DIPK1A: variants seen among roughly 807,000 people sequenced by gnomAD.
The protein encoded by DIPK1A is family with sequence similarity 69 member A.
A neutral mutation model predicts 40.8 loss-of-function variants in DIPK1A; 27 were observed. That is an observed-to-expected ratio of 0.66 (90% CI 0.49 to 0.91). DIPK1A has a LOEUF of 0.91. DIPK1A is among the 40% of genes least tolerant of loss of function. The pLI is 0.00. For missense variants in DIPK1A, 412 were observed against 505.7 expected (o/e 0.81, Z 1.78); for synonymous variants, 166 against 171.3 (o/e 0.97, Z 0.24).
At chr1:92,894,877 T>G (rs1426181300) in intron 1 of DIPK1A, among the ~76,000 whole-genome samples, 4 of 151,964 alleles carry the variant, frequency 2.6e-5, no homozygotes, top group Non-Finnish European at 5.9e-5. Context: ...TACAAACACC[T>G]CTACGCAAAT....
chr1:92,956,207 C>G (rs1172962702), intron 1 of DIPK1A, among the ~76,000 whole-genome samples: 1 of 152,018 alleles, frequency 6.6e-6, no homozygotes, highest in Non-Finnish European at 1.5e-5. Flanking sequence ...AAAAAAAAAT[C>G]TGAGGCACTG....
At position 92,842,232 on chromosome 1, in the gene DIPK1A, CTG is replaced by C. The variant is rs1687395513; in HGVS notation, c.*1149_*1150del. On this transcript the variant is annotated 3_prime_UTR_variant, in exon 5 of 5. Transcript: ENST00000370310. ...GAAAAGTACCTTAAAGTAAACAAAA[CTG>C]GTGCTAATCCATGGCGTTGAAGGAA... The C allele has an allele frequency of 3.0e-6, 3 of 995,196 alleles. No homozygotes were observed. The highest frequency in any genetic ancestry group is 3.6e-6 in the Non-Finnish European group (3 of 836,242). The allele number at this position is 995,196 out of a possible 1,614,324, so 61.6% of individuals were successfully genotyped here.
At chr1:92,934,930 C>T (rs932939153) in intron 1 of DIPK1A, among the ~76,000 whole-genome samples, 4 of 152,094 alleles carry the variant, frequency 2.6e-5, no homozygotes, top group South Asian at 2.1e-4. Flanking sequence ...TACTTACTAG[C>T]GTCAAGATGA....
chr1:92,865,301 T>C (rs1010074943), intron 2 of DIPK1A, among the ~76,000 whole-genome samples: 4 of 151,980 alleles, frequency 2.6e-5, no homozygotes, highest in Non-Finnish European at 5.9e-5. Flanking sequence ...AATTCAAGGC[T>C]GCAGTGAGCT....
chr1:92,867,752 C>G (rs977728967), intron 2 of DIPK1A, among the ~76,000 whole-genome samples: 2 of 152,236 alleles, frequency 1.3e-5, no homozygotes, highest in African/African-American at 4.8e-5. Context: ...GTGATCTGCC[C>G]ATCTCAGCCT....
chr1:92,834,296 T>C (rs1276585569), intron 4 of DIPK1A, among the ~76,000 whole-genome samples: 1 of 152,234 alleles, frequency 6.6e-6, no homozygotes, highest in Non-Finnish European at 1.5e-5. Flanking sequence ...TAATAAAATG[T>C]ACAAAGGTGG....
intron 1 of DIPK1A, among the ~76,000 whole-genome samples, chr1:92,900,195 G>C (rs1649349052): frequency 6.6e-6 from 1 of 152,056 alleles, no homozygotes; most frequent in Non-Finnish European, 1.5e-5. Flanking sequence ...TCATCAAGTA[G>C]GTTTTCTACA....
intron 1 of DIPK1A, among the ~76,000 whole-genome samples, chr1:92,894,046 T>C (rs1340790746): frequency 6.6e-6 from 1 of 151,840 alleles, no homozygotes; most frequent in East Asian, 1.9e-4. Context: ...TCCCACACAA[T>C]AATAATGGGA....
In DIPK1A at chr1:92,952,745, T is replaced by TA. The variant is rs1362651691; in HGVS notation, c.54+8630dup. ...TCCATTTTCAAATTTCCCCGTAATC[T>TA]AAAAAAAATCCTTTATGGCTTTTTT... On this transcript the variant is annotated intron_variant, in intron 1 of 4. Coordinates refer to ENST00000370310, the MANE Select transcript of DIPK1A (RefSeq NM_001006605.5). 5.9e-5 allele frequency among the ~76,000 whole-genome samples: 9 copies of TA among 151,770 alleles called. No individual in the cohort carries two copies. The South Asian group carries it at 1.5e-3, about 25-fold the overall frequency.
intron 4 of DIPK1A, chr1:92,845,560 T>C (rs1398533680): frequency 2.4e-4 from 67 of 277,542 alleles, no homozygotes; most frequent in Admixed American, 6.7e-4. Flanking sequence ...AAAAAAATGC[T>C]GGATGCGGTG....
intron 1 of DIPK1A, among the ~76,000 whole-genome samples, chr1:92,922,907 C>A (rs185009854): frequency 1.1e-3 from 175 of 152,244 alleles, no homozygotes; most frequent in African/African-American, 4.1e-3. Context: ...GCTACCATCT[C>A]CCTCACAGTT....
chr1:92,913,529 G>T (rs1047771349), intron 1 of DIPK1A, among the ~76,000 whole-genome samples: 2 of 152,076 alleles, frequency 1.3e-5, no homozygotes, highest in African/African-American at 4.8e-5. Context: ...TATTAATTAG[G>T]GTGAAAGTAG....
intron 3 of DIPK1A, 29 bp from the exon 4 acceptor site, chr1:92,847,388 A>G: frequency 6.7e-7 from 1 of 1,489,490 alleles, no homozygotes; most frequent in Non-Finnish European, 9.1e-7. Flanking sequence ...CAAGTTATGT[A>G]TTATACTGAG....
chr1:92,957,645 G>T (rs1294152114), intron 1 of DIPK1A, among the ~76,000 whole-genome samples: 2 of 152,186 alleles, frequency 1.3e-5, no homozygotes, highest in African/African-American at 4.8e-5. Context: ...AGCTGACCTT[G>T]GTGGAATCTG....
At chr1:92,951,250 T>A (rs1224719768) in intron 1 of DIPK1A, among the ~76,000 whole-genome samples, 1 of 152,140 alleles carries the variant, frequency 6.6e-6, no homozygotes, top group East Asian at 1.9e-4. Flanking sequence ...CCACCCATAG[T>A]TGCTGGCTTT....
intron 1 of DIPK1A, among the ~76,000 whole-genome samples, chr1:92,893,967 T>C (rs1013731260): frequency 1.1e-4 from 16 of 151,936 alleles, no homozygotes; most frequent in African/African-American, 3.9e-4. Flanking sequence ...CCTAAATATA[T>C]ATGCACCCAA....
intron 1 of DIPK1A, among the ~76,000 whole-genome samples, chr1:92,898,556 C>A (rs1230843067): frequency 6.6e-6 from 1 of 152,168 alleles, no homozygotes; most frequent in Admixed American, 6.5e-5. Flanking sequence ...GTCACTGCAG[C>A]CTTGAACTAC....
chr1:92,935,379 T>C (rs1438883436), intron 1 of DIPK1A, among the ~76,000 whole-genome samples: 2 of 152,218 alleles, frequency 1.3e-5, no homozygotes, highest in Non-Finnish European at 2.9e-5. Flanking sequence ...GAACTATGTA[T>C]TTTAAGTCCC....
intron 1 of DIPK1A, among the ~76,000 whole-genome samples, chr1:92,926,417 T>C (rs1650509255): frequency 6.6e-6 from 1 of 152,228 alleles, no homozygotes; most frequent in Admixed American, 6.5e-5. Flanking sequence ...TAAGACTTGT[T>C]TCATGGCCCT....
Sources: allele counts gnomAD v4.1 joint callset (sites outside exome capture counted in the v4.1 genomes callset), GRCh38; gene constraint gnomAD v4.1.1; transcripts MANE v1.5; gene names NCBI Gene and HGNC (gene_info 2026-07-23, HGNC 2026-07-21).